Variants in NPSR1 observed in about 807,000 individuals in gnomAD.
The protein encoded by NPSR1 is neuropeptide S receptor 1.
Under a neutral mutation model 46.9 loss-of-function variants are expected in NPSR1, and 48 were observed. The observed-to-expected ratio is 1.02, with a 90% confidence interval of 0.81 to 1.30. The LOEUF (loss-of-function observed/expected upper bound fraction) is 1.30, where lower values mean the gene tolerates loss of function less well. Among genes scored for constraint, NPSR1 ranks in the 50% most tolerant of loss-of-function variants. NPSR1 has a pLI of 0.00. For synonymous variants in NPSR1, 176 were observed against 168.1 expected, an observed-to-expected ratio of 1.05 and a Z score of -0.36; for missense variants, 450 against 449.5, an observed-to-expected ratio of 1.00 and a Z score of -0.01.
At chr7:34,762,071 G>A (rs145585084) in intron 2 of NPSR1, among the ~76,000 whole-genome samples, 13 of 152,260 alleles carry the variant, frequency 8.5e-5, no homozygotes, top group South Asian at 8.3e-4. Flanking sequence ...TAAGTTTTAC[G>A]AGGACTTGGG....
At chr7:34,797,643 T>TA (rs760702677) in intron 3 of NPSR1, among the ~76,000 whole-genome samples, 17 of 152,210 alleles carry the variant, frequency 1.1e-4, no homozygotes, top group South Asian at 6.2e-4. Flanking sequence ...TTTTCTAAAT[T>TA]AATGGCAAAC....
intron 3 of NPSR1, among the ~76,000 whole-genome samples, chr7:34,790,664 ATATATGT>A (rs1787696856): frequency 7.0e-6 from 1 of 142,602 alleles, no homozygotes; most frequent in South Asian, 2.1e-4. Flanking sequence ...TATGTTATAA[ATATATGT>A]TATATGTTCT....
intron 2 of NPSR1, chr7:34,685,694 G>C: frequency 2.3e-6 from 1 of 425,818 alleles, no homozygotes; most frequent in Non-Finnish European, 4.6e-6. Flanking sequence ...ACTTACAAGA[G>C]AATCTTAGCC....
chr7:34,678,835 A>G (rs1453321234), intron 1 of NPSR1, among the ~76,000 whole-genome samples: 1 of 138,370 alleles, frequency 7.2e-6, no homozygotes, highest in African/African-American at 3.0e-5. Context: ...CAAAAAAAAG[A>G]AAAAAGAAAA....
intron 4 of NPSR1, among the ~76,000 whole-genome samples, chr7:34,816,235 ATGG>A (rs1789249485): frequency 7.6e-6 from 1 of 131,100 alleles, no homozygotes; most frequent in African/African-American, 3.0e-5. Context: ...TACCAAGAAA[ATGG>A]AAAGCAAAAA....
chr7:34,836,774 G>T (rs1395971494), intron 6 of NPSR1, among the ~76,000 whole-genome samples: 4 of 151,190 alleles, frequency 2.6e-5, no homozygotes, highest in African/African-American at 9.7e-5. Context: ...GAAAGAGAAA[G>T]AAAAAAATAT....
At chr7:34,716,618 T>A (rs1453139410) in intron 2 of NPSR1, among the ~76,000 whole-genome samples, 1 of 152,212 alleles carries the variant, frequency 6.6e-6, no homozygotes, top group Non-Finnish European at 1.5e-5. Flanking sequence ...CTTAGGACCA[T>A]GTCTGATATG....
chr7:34,740,467 C>T (rs1298969236), intron 2 of NPSR1, among the ~76,000 whole-genome samples: 2 of 151,838 alleles, frequency 1.3e-5, no homozygotes, highest in Admixed American at 6.6e-5. Flanking sequence ...CTGGAGGTTT[C>T]CTTCTCCTTG....
chr7:34,663,067 C>CTCTCTCTCTCTCTGTGTGTGTGTG (rs35826710), intron 1 of NPSR1, among the ~76,000 whole-genome samples: 1,956 of 99,238 alleles, frequency 0.02, 34 homozygotes, highest in South Asian at 0.046. Flanking sequence ...CTCTCTCTCT[C>CTCTCTCTCTCTCTGTGTGTGTGTG]TGTGTGTGTG....
chr7:34,832,779 C>T (rs977124193), intron 5 of NPSR1, among the ~76,000 whole-genome samples: 6 of 152,140 alleles, frequency 3.9e-5, no homozygotes, highest in African/African-American at 1.4e-4. Context: ...AATTATTGGT[C>T]AATTAAATAC....
At chr7:34,714,798 G>T (rs755127473) in intron 2 of NPSR1, among the ~76,000 whole-genome samples, 1 of 152,294 alleles carries the variant, frequency 6.6e-6, no homozygotes, top group Non-Finnish European at 1.5e-5. Context: ...CTTAAGCTGT[G>T]CATTGAGAAG....
At chr7:34,765,620 A>G (rs932678207) in intron 2 of NPSR1, among the ~76,000 whole-genome samples, 1 of 152,234 alleles carries the variant, frequency 6.6e-6, no homozygotes, top group Non-Finnish European at 1.5e-5. Context: ...ATGCACTCAT[A>G]TATTCATCAT....
intron 3 of NPSR1, among the ~76,000 whole-genome samples, chr7:34,793,573 A>T (rs1314288370): frequency 1.3e-5 from 2 of 152,164 alleles, no homozygotes; most frequent in Non-Finnish European, 2.9e-5. Context: ...AAATGATAAC[A>T]AGTGTTGGCA....
chr7:34,792,651 ATG>A (rs1491377631), intron 3 of NPSR1, among the ~76,000 whole-genome samples: 1 of 107,170 alleles, frequency 9.3e-6, no homozygotes, highest in Non-Finnish European at 1.9e-5. Flanking sequence ...GTATATATAT[ATG>A]TATATATATA....
chr7:34,792,894 A>T (rs543386111), intron 3 of NPSR1, among the ~76,000 whole-genome samples: 80 of 149,138 alleles, frequency 5.4e-4, no homozygotes, highest in African/African-American at 1.9e-3. Flanking sequence ...AAAACAAACA[A>T]ACAAAAACAT....
intron 1 of NPSR1, among the ~76,000 whole-genome samples, chr7:34,663,547 T>C (rs1441674188): frequency 6.6e-6 from 1 of 152,180 alleles, no homozygotes; most frequent in Non-Finnish European, 1.5e-5. Context: ...CTTCCAATCC[T>C]GTGCTCCCCA....
intron 4 of NPSR1, among the ~76,000 whole-genome samples, chr7:34,815,490 C>T (rs1789201612): frequency 6.6e-6 from 1 of 152,152 alleles, no homozygotes; most frequent in African/African-American, 2.4e-5. Context: ...CAAGTTGGAA[C>T]ACACTCTTCA....
At chr7:34,783,089 G>C (rs571007744) in intron 3 of NPSR1, among the ~76,000 whole-genome samples, 48 of 151,912 alleles carry the variant, frequency 3.2e-4, no homozygotes, top group African/African-American at 1.1e-3. Flanking sequence ...TAAAGAAAAA[G>C]AAAGAAAAAA....
chr7:34,827,641 G>GT, intron 5 of NPSR1, 39 bp downstream of exon 5: 1 of 728,946 alleles, frequency 1.4e-6, no homozygotes, highest in South Asian at 1.4e-5. Flanking sequence ...GGGGGGGTGG[G>GT]GCGGGGGGGG....
Sources: gnomAD v4.1 joint callset for allele counts (sites outside exome capture counted in the v4.1 genomes callset) on GRCh38, gnomAD v4.1.1 for gene constraint, MANE v1.5 for transcripts, NCBI Gene and HGNC (gene_info 2026-07-23, HGNC 2026-07-21) for gene names.